SLCO3A1: variants seen among roughly 807,000 people sequenced by gnomAD.
SLCO3A1 encodes the protein PGE1 transporter.
SLCO3A1 carries 27 observed loss-of-function variants against 63.1 expected under a neutral mutation model. The ratio of observed to expected loss-of-function variants is 0.43; its 90% CI spans 0.32 to 0.59. The LOEUF is 0.59. SLCO3A1 is among the 20% of genes least tolerant of loss of function. The pLI is 0.09. For synonymous variants in SLCO3A1, 473 were observed against 409.9 expected (o/e 1.15, Z -1.86); for missense variants, 773 against 945.8 (o/e 0.82, Z 2.40).
At chr15:91,969,624 T>C (rs1271502302) in intron 2 of SLCO3A1, among the ~76,000 whole-genome samples, 15 of 152,202 alleles carry the variant, frequency 9.9e-5, no homozygotes, top group Non-Finnish European at 4.4e-5. Context: ...ACAATTATTG[T>C]TGTCTTTCTA....
intron 2 of SLCO3A1, among the ~76,000 whole-genome samples, chr15:91,958,448 G>T (rs565338861): frequency 6.6e-6 from 1 of 152,176 alleles, no homozygotes; most frequent in South Asian, 2.1e-4. Flanking sequence ...TTTGAATGCC[G>T]CCTCTCCCAT....
chr15:91,853,920 G>T lies in SLCO3A1; in HGVS notation c.12G>T (p.Lys4Asn). The change falls in exon 1 of 10, where the codon AAG becomes AAT. Residue 4 changes from lysine (K) to asparagine (N), a missense_variant. Coordinates refer to ENST00000318445, the MANE Select transcript of SLCO3A1 (RefSeq NM_013272.4). ...GCGGCGGGGGAAGGATGCAGGGGAAGAAGCCGGGCGGTTCGTCGGGCGGCG... is the reference window on the plus strand; with the variant it reads ...GCGGCGGGGGAAGGATGCAGGGGAATAAGCCGGGCGGTTCGTCGGGCGGCG... The part of the protein sequence containing the change: MQG[K>N]KPGGSSGGGR... 4.9e-6 allele frequency: 7 copies of T among 1,441,206 alleles called. No homozygotes were observed. The highest frequency in any genetic ancestry group is 6.4e-6 in the Non-Finnish European group (7 of 1,087,854). The allele number at this position is 1,441,206 out of a possible 1,614,324, so 89.3% of individuals were successfully genotyped here. A position where few individuals can be genotyped will look rare whatever the true frequency, so the allele number is the denominator to read the frequency against.
chr15:92,124,059 A>G (rs1477285692), intron 5 of SLCO3A1, among the ~76,000 whole-genome samples: 1 of 152,138 alleles, frequency 6.6e-6, no homozygotes, highest in East Asian at 1.9e-4. Context: ...AGGGGCTGGC[A>G]GTGGGCGGTT....
In SLCO3A1 at chr15:91,875,093, C is replaced by T. The variant is rs988358854; in HGVS notation, c.180+21005C>T. ...TGCCGCCTTGAAGTTGGCAGACAGT[C>T]TGTGTTGGTGCCCTTTTAATAGATG... On this transcript the variant is annotated intron_variant, in intron 1 of 9. Transcript: ENST00000318445. This position sits in a 1 kb window ranked among gnomAD's most constrained non-coding sequence, Gnocchi z 4.5. 3.3e-5 allele frequency among the ~76,000 whole-genome samples: 5 copies of T among 152,244 alleles called. No individual in the cohort carries two copies. Among genetic ancestry groups the T allele is most frequent in the African/African-American group, 7.2e-5 (3 of 41,468 alleles).
At chr15:91,890,853 C>G (rs993192559) in intron 1 of SLCO3A1, among the ~76,000 whole-genome samples, 1 of 152,192 alleles carries the variant, frequency 6.6e-6, no homozygotes, top group Non-Finnish European at 1.5e-5. Context: ...ACTGCCCTGG[C>G]CAGACTGCGA....
At chr15:92,045,407 A>G (rs1175696523) in intron 2 of SLCO3A1, among the ~76,000 whole-genome samples, 1 of 152,200 alleles carries the variant, frequency 6.6e-6, no homozygotes, top group Non-Finnish European at 1.5e-5. Flanking sequence ...TACCATTATA[A>G]TGTGTATGGA....
chr15:92,062,394 AG>A (rs1357362414), intron 2 of SLCO3A1, among the ~76,000 whole-genome samples: 1 of 152,146 alleles, frequency 6.6e-6, no homozygotes, highest in Non-Finnish European at 1.5e-5. Flanking sequence ...CATGCCAGGC[AG>A]GGAACTCTGC....
chr15:92,134,808 G>C lies in SLCO3A1; in HGVS notation c.1512+6319G>C, dbSNP rs140955553. ...TAGGTGGTTAGGTTAGGTTCTAAAA[G>C]AGGGAAGCAGCTGTGTAGACAAATC... On this transcript the variant is annotated intron_variant, in intron 7 of 9. Coordinates refer to ENST00000318445, the MANE Select transcript of SLCO3A1 (RefSeq NM_013272.4). Among the ~76,000 whole-genome samples, 76 of 152,294 alleles carry C rather than the reference G, an allele frequency of 5.0e-4. 1 individual carries two copies. The East Asian group carries it at 0.015, about 29-fold the overall frequency.
Position 92,104,495 on chromosome 15 carries a change from A to AC in SLCO3A1, c.967dup (p.Leu323ProfsTer59). 2 of 1,613,832 alleles carry AC rather than the reference A, an allele frequency of 1.2e-6. No individual in the cohort carries two copies. Among genetic ancestry groups the AC allele is most frequent in the Non-Finnish European group, 1.7e-6 (2 of 1,179,992 alleles). ...AAGCCCAGCAACGGGGTCCTGAGGC[A>AC]CCCCCTGGAGCCAGACAGCAGTGCC... is the stretch of plus-strand genomic sequence containing the variant. On this transcript the variant is annotated frameshift_variant, in exon 4 of 10. Coordinates refer to ENST00000318445, the MANE Select transcript of SLCO3A1 (RefSeq NM_013272.4). LOFTEE classifies it high-confidence loss of function.
intron 2 of SLCO3A1, among the ~76,000 whole-genome samples, chr15:91,934,068 TG>T (rs1899323730): frequency 6.6e-6 from 1 of 152,170 alleles, no homozygotes; most frequent in Admixed American, 6.5e-5. Flanking sequence ...ATTTCATGGA[TG>T]CTCAGAAGAC....
chr15:91,982,713 A>T (rs2046003130), intron 2 of SLCO3A1, among the ~76,000 whole-genome samples: 1 of 152,248 alleles, frequency 6.6e-6, no homozygotes, highest in African/African-American at 2.4e-5. Context: ...TGAGTTGCTG[A>T]CAAGTGATTT....
rs571126835 is a variant in SLCO3A1, at chr15:91,965,099, AGTGGATGATTAGGGTTTTTAGAAT to A, written c.646+48642_646+48665del. 1.7e-3 allele frequency among the ~76,000 whole-genome samples: 254 copies of A among 152,272 alleles called. 1 individual carries two copies. Among genetic ancestry groups the A allele is most frequent in the African/African-American group, 5.8e-3 (242 of 41,554 alleles). On this transcript the variant is annotated intron_variant, in intron 2 of 9. Transcript: ENST00000318445. The stretch of plus-strand genomic sequence containing the variant: ...GGGAGAGGGGGCTGTGGGGATACTC[AGTGGATGATTAGGGTTTTTAGAAT>A]CTGTTGGGAAGGGGAAGAGGTATAC...
intron 3 of SLCO3A1, among the ~76,000 whole-genome samples, chr15:92,102,186 C>T (rs1483390323): frequency 1.3e-5 from 2 of 152,060 alleles, no homozygotes; most frequent in Non-Finnish European, 2.9e-5. Context: ...TCATTCATTG[C>T]TTGGCAGCAG....
In SLCO3A1 at chr15:92,162,781, C is replaced by T. The variant is rs540250245; in HGVS notation, c.1779C>T (p.Phe593=). 20 of 1,613,538 alleles carry T rather than the reference C, an allele frequency of 1.2e-5. No individual in the cohort carries two copies. The highest frequency in any genetic ancestry group is 8.9e-5 in the East Asian group (4 of 44,874). Residue 593 remains phenylalanine (F), a synonymous_variant, in exon 10 of 10, where the codon TTC becomes TTT. Coordinates refer to ENST00000318445, the MANE Select transcript of SLCO3A1 (RefSeq NM_013272.4). ...GCTTCATCCCTCCACCCCTCATCTT[C>T]GGGGCTGGCATCGACTCCACCTGCC... ...LLGFIPPPLI[F]GAGIDSTCLF...
chr15:92,010,583 G>T (rs1268353610), intron 2 of SLCO3A1, among the ~76,000 whole-genome samples: 2 of 152,136 alleles, frequency 1.3e-5, no homozygotes, highest in African/African-American at 4.8e-5. Context: ...GTAGGCATTT[G>T]CTTCCTGTTA....
chr15:92,086,702 G>T (rs375962285), intron 2 of SLCO3A1, among the ~76,000 whole-genome samples: 2 of 152,168 alleles, frequency 1.3e-5, no homozygotes, highest in East Asian at 3.9e-4. Context: ...TCAGCCGGGC[G>T]CAGTGGCTCA....
rs542582830 is a variant in SLCO3A1 at position 91,870,314 on chromosome 15, T to G, written c.180+16226T>G. On this transcript the variant is annotated intron_variant, in intron 1 of 9. Transcript: ENST00000318445. ...CAGTAAGTTTAATTTCACTGAAACT[T>G]AACAGAAGACTTCAGTAAAACTGGA... is the stretch of plus-strand genomic sequence containing the variant. Among the ~76,000 whole-genome samples, 7 of 152,362 alleles carry G rather than the reference T, an allele frequency of 4.6e-5. No individual in the cohort carries two copies. The South Asian group carries it at 1.4e-3, about 32-fold the overall frequency.
At chr15:92,035,097 G>A (rs748725853) in intron 2 of SLCO3A1, among the ~76,000 whole-genome samples, 3 of 151,832 alleles carry the variant, frequency 2.0e-5, no homozygotes, top group Non-Finnish European at 2.9e-5. Flanking sequence ...TTTTTGAACT[G>A]TGGGTAGTTA....
At chr15:92,053,497 C>G (rs984228462) in intron 2 of SLCO3A1, among the ~76,000 whole-genome samples, 4 of 152,224 alleles carry the variant, frequency 2.6e-5, no homozygotes, top group Middle Eastern at 3.4e-3. Flanking sequence ...CTAATATCAT[C>G]TGTTCTGTCC....
Sources: allele counts gnomAD v4.1 joint callset (sites outside exome capture counted in the v4.1 genomes callset), GRCh38; gene constraint gnomAD v4.1.1; non-coding constraint Gnocchi (gnomAD v3.1); transcripts MANE v1.5; gene names NCBI Gene and HGNC (gene_info 2026-07-23, HGNC 2026-07-21).